Variants in TCL1A observed in about 807,000 individuals in gnomAD.
TCL1A encodes TCL1 family AKT coactivator A.
In TCL1A, 9 loss-of-function variants were observed where a neutral mutation model predicts 16.9. The observed-to-expected ratio is 0.53, with a 90% CI of 0.32 to 0.93. TCL1A has a LOEUF of 0.93. Ranked by LOEUF, TCL1A falls within the 40% of genes least tolerant of loss-of-function variation. TCL1A has a pLI of 0.04. For synonymous variants in TCL1A, 69 were observed against 63.2 expected (o/e 1.09, Z -0.44); for missense variants, 139 against 153.0 (o/e 0.91, Z 0.48).
rs1886489571 is a variant in TCL1A, at chr14:95,713,974, C to G, written c.93G>C (p.Gln31His). 1.9e-6 allele frequency: 3 copies of G among 1,614,082 alleles called. No individual in the cohort carries two copies. Among genetic ancestry groups the G allele is most frequent in the Non-Finnish European group, 2.5e-6 (3 of 1,180,038 alleles). ...CGATGGTTAAGGGCAGCCAGGCGTG[C>G]TGCTTCTCGTCCAAATACACGAACT... ...WEKFVYLDEK[Q>H]HAWLPLTIEI... The change falls in exon 1 of 4, where the codon CAG becomes CAC. Residue 31 changes from glutamine to histidine, a missense_variant. Physicochemically the swap from Gln to His is conservative, Grantham distance 24. Coordinates refer to ENST00000402399, the MANE Select transcript of TCL1A (RefSeq NM_021966.3).
rs1464686811 is a variant in TCL1A at position 95,712,285 on chromosome 14, G to T, written c.232C>A (p.Leu78Ile). Residue 78 changes from leucine to isoleucine, a missense_variant, in exon 2 of 4, where the codon CTC becomes ATC. Physicochemically the swap from Leu to Ile is conservative, Grantham distance 5. This residue lies in a region of TCL1A where 45 missense variants were observed against 72.8 expected (regional missense o/e 0.62). Coordinates refer to ENST00000402399, the MANE Select transcript of TCL1A (RefSeq NM_021966.3). Reference protein sequence around the residue: ...GPSLLPIMWQLYPDGRYRSSD... With the variant: ...GPSLLPIMWQIYPDGRYRSSD... ...GATCGGTATCGTCCATCAGGGTAGAGCTGCCACATGATAGGCAGCAGGCTT... is the reference window on the plus strand; with the variant it reads ...GATCGGTATCGTCCATCAGGGTAGATCTGCCACATGATAGGCAGCAGGCTT... 6 of 1,614,186 alleles carry T rather than the reference G, an allele frequency of 3.7e-6. No homozygotes were observed. Among genetic ancestry groups the T allele is most frequent in the Non-Finnish European group, 5.1e-6 (6 of 1,180,030 alleles).
Position 95,710,371 on chromosome 14 carries a change from G to C in TCL1A, c.*517C>G, listed in dbSNP as rs3831076. On this transcript the variant is annotated 3_prime_UTR_variant, in exon 4 of 4. Transcript: ENST00000402399. ...AGGCAGCGTTTGCAGGCGTGTTTACGGGCAGGCAGCGTTTGCAGGCGTGTT... is the reference window on the plus strand; with the variant it reads ...AGGCAGCGTTTGCAGGCGTGTTTACCGGCAGGCAGCGTTTGCAGGCGTGTT... 45 of 149,714 alleles carry C rather than the reference G, an allele frequency of 3.0e-4. No homozygotes were observed. Among genetic ancestry groups the C allele is most frequent in the African/African-American group, 1.1e-3 (42 of 39,750 alleles). 9.3% of individuals were successfully genotyped at this position (149,714 alleles called of 1,614,324 possible).
At chr14:95,711,540 C>G (rs1285426800) in intron 3 of TCL1A, 1 of 564,352 alleles carries the variant, frequency 1.8e-6, no homozygotes, top group East Asian at 2.9e-5. Flanking sequence ...ATATGAGCAG[C>G]TGCGATAAAG....
At chr14:95,712,675 CTCACACTTGTAAT>C in intron 1 of TCL1A, 7 of 1,394,018 alleles carry the variant, frequency 5.0e-6, no homozygotes, top group Non-Finnish European at 6.6e-6. Context: ...GTTGCAGCGG[CTCACACTTGTAAT>C]TCCAGTGCTT....
At chr14:95,713,718 G>C (rs1886461323) in intron 1 of TCL1A, among the ~76,000 whole-genome samples, 1 of 152,306 alleles carries the variant, frequency 6.6e-6, no homozygotes, top group South Asian at 2.1e-4. Context: ...CACTCCACAG[G>C]CACTGGGTCC....
chr14:95,713,700 T>G (rs1049206085), intron 1 of TCL1A, among the ~76,000 whole-genome samples: 1 of 152,292 alleles, frequency 6.6e-6, no homozygotes, highest in East Asian at 1.9e-4. Flanking sequence ...TAGTCAACAT[T>G]ATAGTCACAC....
At chr14:95,713,248 A>G (rs1595067163) in intron 1 of TCL1A, among the ~76,000 whole-genome samples, 1 of 152,182 alleles carries the variant, frequency 6.6e-6, no homozygotes, top group African/African-American at 2.4e-5. Context: ...ACGTGTTCTA[A>G]TATATTTTTT....
chr14:95,713,773 C>T (rs2139723749), intron 1 of TCL1A, among the ~76,000 whole-genome samples, 174 bp downstream of exon 1: 2 of 152,310 alleles, frequency 1.3e-5, no homozygotes, highest in South Asian at 2.1e-4. Context: ...ACCCTTCTTC[C>T]CTGCCTGGAG....
At chr14:95,713,820 G>A (rs573041117) in intron 1 of TCL1A, 127 bp downstream of exon 1, 7 of 1,422,382 alleles carry the variant, frequency 4.9e-6, no homozygotes, top group Middle Eastern at 1.9e-4. Flanking sequence ...GCTCAAAGTG[G>A]CTTCATCTGT....
At position 95,713,997 on chromosome 14, in the gene TCL1A, A is replaced by G. The variant is rs1484284125; in HGVS notation, c.70T>C (p.Phe24Leu). 1 of 1,613,958 alleles carries G rather than the reference A, an allele frequency of 6.2e-7. No individual in the cohort carries two copies. The highest frequency in any genetic ancestry group is 1.7e-5 in the Admixed American group (1 of 60,022). The change falls in exon 1 of 4, where the codon TTC (phenylalanine) becomes CTC (leucine). Residue 24 changes from phenylalanine to leucine, a missense_variant. Phe to Leu is a conservative substitution (Grantham distance 22). Coordinates refer to ENST00000402399, the MANE Select transcript of TCL1A (RefSeq NM_021966.3). ...TGCTGCTTCTCGTCCAAATACACGA[A>G]CTTCTCCCAGGCCCACAGGCGGTCC... ...HPDRLWAWEK[F>L]VYLDEKQHAW...
At chr14:95,713,807 C>G in intron 1 of TCL1A, 140 bp downstream of exon 1, 1 of 1,339,802 alleles carries the variant, frequency 7.5e-7, no homozygotes, top group Non-Finnish European at 1.0e-6. Flanking sequence ...CCTCCAGAGC[C>G]CGGCTCAAAG....
Position 95,712,103 on chromosome 14 carries a change from C to G in TCL1A, c.297+117G>C, listed in dbSNP as rs536046384. The G allele has an allele frequency of 9.4e-6, 12 of 1,282,864 alleles. No individual in the cohort carries two copies. The African/African-American group carries it at 1.8e-4, about 19-fold the overall frequency. The allele number at this position is 1,282,864 out of a possible 1,614,324, so 79.5% of individuals were successfully genotyped here. ...TTTAGAAATCTGCACTTGTACATTT[C>G]CCCCATTTTTTAATGCTTTTGGGAC... On this transcript the variant is annotated intron_variant, in intron 2 of 3. Coordinates refer to ENST00000402399, the MANE Select transcript of TCL1A (RefSeq NM_021966.3).
In TCL1A at chr14:95,712,368, A is replaced by T; in HGVS notation, c.149T>A (p.Leu50His). The T allele has an allele frequency of 6.2e-7, 1 of 1,613,252 alleles. No individual in the cohort carries two copies. The highest frequency in any genetic ancestry group is 8.5e-7 in the Non-Finnish European group (1 of 1,179,360). Residue 50 changes from leucine (L) to histidine (H), a missense_variant, in exon 2 of 4, where the codon CTC becomes CAC. Transcript: ENST00000402399. ...EIKDRLQLRV[L>H]LRREDVVLGR... is the part of the protein sequence containing the mutation. ...CAGGACGACGTCTTCCCGACGCAAGAGCACCCGTAACTGTAACCTATCCTT... is the reference window on the plus strand; with the variant it reads ...CAGGACGACGTCTTCCCGACGCAAGTGCACCCGTAACTGTAACCTATCCTT...
Position 95,712,294 on chromosome 14 carries a change from T to A in TCL1A, c.223A>T (p.Met75Leu). ...CGTCCATCAGGGTAGAGCTGCCACATGATAGGCAGCAGGCTTGGGCCTATC... is the reference window on the plus strand; with the variant it reads ...CGTCCATCAGGGTAGAGCTGCCACAAGATAGGCAGCAGGCTTGGGCCTATC... ...TQIGPSLLPI[M>L]WQLYPDGRYR... is the part of the protein sequence containing the mutation. The change falls in exon 2 of 4, where the codon ATG becomes TTG. Residue 75 changes from methionine to leucine, a missense_variant. Met to Leu is a conservative substitution (Grantham distance 15, BLOSUM62 2). Coordinates refer to ENST00000402399, the MANE Select transcript of TCL1A (RefSeq NM_021966.3). The A allele has an allele frequency of 1.9e-6, 3 of 1,614,076 alleles. No homozygotes were observed. The highest frequency in any genetic ancestry group is 1.1e-5 in the South Asian group (1 of 91,066).
chr14:95,711,959 C>T (rs1451090265), intron 2 of TCL1A, 157 bp from the exon 3 acceptor site: 2 of 1,015,374 alleles, frequency 2.0e-6, no homozygotes, highest in Non-Finnish European at 2.9e-6. Flanking sequence ...TCCCACCAGC[C>T]TTCAGCCTGT....
In TCL1A at chr14:95,710,370, C is replaced by T. The variant is rs996967077; in HGVS notation, c.*518G>A. 1.7e-4 allele frequency: 26 copies of T among 150,714 alleles called. No homozygotes were observed. The highest frequency in any genetic ancestry group is 3.1e-3 in the Middle Eastern group (1 of 326). 9.3% of individuals were successfully genotyped at this position (150,714 alleles called of 1,614,324 possible). ...CAGGCAGCGTTTGCAGGCGTGTTTA[C>T]GGGCAGGCAGCGTTTGCAGGCGTGT... On this transcript the variant is annotated 3_prime_UTR_variant, in exon 4 of 4. Coordinates refer to ENST00000402399, the MANE Select transcript of TCL1A (RefSeq NM_021966.3).
intron 2 of TCL1A, 30 bp downstream of exon 2, chr14:95,712,190 C>A: frequency 6.2e-7 from 1 of 1,613,782 alleles, no homozygotes; most frequent in Non-Finnish European, 8.5e-7. Context: ...CCAAGATCAC[C>A]CGATGGACCT....
chr14:95,713,448 T>C (rs181945968), intron 1 of TCL1A, among the ~76,000 whole-genome samples: 5 of 152,350 alleles, frequency 3.3e-5, no homozygotes, highest in Admixed American at 1.3e-4. Context: ...CCGGCGCTTA[T>C]ACTACGACAT....
At chr14:95,713,791 A>C (rs558868728) in intron 1 of TCL1A, among the ~76,000 whole-genome samples, 156 bp downstream of exon 1, 3 of 152,182 alleles carry the variant, frequency 2.0e-5, no homozygotes, top group African/African-American at 4.8e-5. Flanking sequence ...GAGAACTCCT[A>C]TTCATCCTCC....
Sources: allele counts gnomAD v4.1 joint callset (sites outside exome capture counted in the v4.1 genomes callset), GRCh38; gene constraint gnomAD v4.1.1; regional missense constraint gnomAD v4.1.1; transcripts MANE v1.5; gene names NCBI Gene and HGNC (gene_info 2026-07-23, HGNC 2026-07-21).